Variants in NSUN3 observed in about 807,000 individuals in gnomAD.
NSUN3 encodes the protein tRNA (cytosine(34)-C(5))-methyltransferase, mitochondrial.
Under a neutral mutation model 36.8 loss-of-function variants are expected in NSUN3, and 24 were observed. That is an observed-to-expected ratio of 0.65 (90% CI 0.47 to 0.92). The LOEUF (loss-of-function observed/expected upper bound fraction) is 0.92. Among genes scored for constraint, NSUN3 ranks in the 40% least tolerant of loss-of-function variants. The probability of loss-of-function intolerance (pLI) is 0.00; values close to 1 mark genes in which losing one functional copy is unlikely to be tolerated. For missense variants in NSUN3, 381 were observed against 392.8 expected (o/e 0.97, Z 0.25); for synonymous variants, 146 against 145.2 (o/e 1.01, Z -0.04).
At chr3:94,112,837 G>A (rs2077423416) in intron 5 of NSUN3, among the ~76,000 whole-genome samples, 1 of 152,140 alleles carries the variant, frequency 6.6e-6, no homozygotes, top group Admixed American at 6.5e-5. Flanking sequence ...CCTTGATCAG[G>A]TAATGCTGGA....
Position 94,064,483 on chromosome 3 carries a change from T to C in NSUN3, c.59T>C (p.Val20Ala). 1 of 1,613,974 alleles carries C rather than the reference T, an allele frequency of 6.2e-7. No individual in the cohort carries two copies. The highest frequency in any genetic ancestry group is 1.1e-5 in the South Asian group (1 of 91,074). The change falls in exon 2 of 6, where the codon GTT (valine) becomes GCT (alanine). Residue 20 changes from valine to alanine, a missense_variant. Coordinates refer to ENST00000314622, the MANE Select transcript of NSUN3 (RefSeq NM_022072.5). Reference sequence around the variant, plus strand: ...AAGCTTGCAAAACAGATTTGCAAAGTTGTGTTGGATCATTTTGAAAAACAG... The same window carrying C: ...AAGCTTGCAAAACAGATTTGCAAAGCTGTGTTGGATCATTTTGAAAAACAG... ...EGKLAKQICK[V>A]VLDHFEKQYS...
intron 5 of NSUN3, among the ~76,000 whole-genome samples, chr3:94,100,088 A>C (rs2077358890): frequency 6.6e-6 from 1 of 152,240 alleles, no homozygotes; most frequent in South Asian, 2.1e-4. Flanking sequence ...AGCAATTGGA[A>C]TGCAGATAAA....
chr3:94,111,116 C>G (rs1057247777), intron 5 of NSUN3, among the ~76,000 whole-genome samples: 21 of 152,164 alleles, frequency 1.4e-4, no homozygotes, highest in African/African-American at 5.1e-4. Context: ...CAACAAGTTA[C>G]TGTACTGAAT....
intron 2 of NSUN3, among the ~76,000 whole-genome samples, chr3:94,068,108 T>A (rs1451397837): frequency 6.6e-6 from 1 of 152,012 alleles, no homozygotes; most frequent in East Asian, 1.9e-4. Flanking sequence ...CCTAGGTGAG[T>A]TAATATCTCT....
chr3:94,098,791 G>A (rs770138673), intron 5 of NSUN3, among the ~76,000 whole-genome samples: 1 of 152,106 alleles, frequency 6.6e-6, no homozygotes, highest in Non-Finnish European at 1.5e-5. Context: ...GATTCTTCGG[G>A]AATCAGCTCT....
chr3:94,094,540 C>T (rs1467556648), intron 4 of NSUN3, among the ~76,000 whole-genome samples: 1 of 152,166 alleles, frequency 6.6e-6, no homozygotes, highest in Non-Finnish European at 1.5e-5. Flanking sequence ...CTCAAAGATA[C>T]TCAGGAAAAG....
At chr3:94,113,160 G>A (rs924828722) in intron 5 of NSUN3, among the ~76,000 whole-genome samples, 1 of 152,048 alleles carries the variant, frequency 6.6e-6, no homozygotes, top group East Asian at 1.9e-4. Context: ...CACCGCACCC[G>A]GCCCAAGAAT....
intron 5 of NSUN3, among the ~76,000 whole-genome samples, chr3:94,101,252 C>G (rs1371094258): frequency 6.6e-6 from 1 of 152,078 alleles, no homozygotes. Context: ...TTTGGCCTCC[C>G]AAGTGCTGAG....
chr3:94,122,622 A>G (rs1175072485), intron 5 of NSUN3, among the ~76,000 whole-genome samples: 1 of 152,120 alleles, frequency 6.6e-6, no homozygotes, highest in Non-Finnish European at 1.5e-5. Context: ...AGTGGGGGAA[A>G]GTTCTCTTAA....
At chr3:94,109,784 A>G (rs758389864) in intron 5 of NSUN3, among the ~76,000 whole-genome samples, 9 of 152,308 alleles carry the variant, frequency 5.9e-5, no homozygotes, top group Admixed American at 2.0e-4. Context: ...GATGTGTAAC[A>G]ATATATGTGT....
intron 5 of NSUN3, among the ~76,000 whole-genome samples, chr3:94,117,897 C>T (rs994116884): frequency 2.0e-5 from 3 of 151,986 alleles, no homozygotes; most frequent in East Asian, 1.9e-4. Flanking sequence ...ATGTGTGTTT[C>T]GGAGAAATGA....
chr3:94,071,130 C>G (rs1193380268), intron 2 of NSUN3, among the ~76,000 whole-genome samples: 1 of 152,070 alleles, frequency 6.6e-6, no homozygotes, highest in African/African-American at 2.4e-5. Flanking sequence ...TATATGGAAA[C>G]AAAAGCTCAT....
chr3:94,067,225 T>C (rs901866436), intron 2 of NSUN3, among the ~76,000 whole-genome samples: 4 of 152,210 alleles, frequency 2.6e-5, no homozygotes, highest in African/African-American at 9.6e-5. Context: ...TGTCATACAT[T>C]ACTGCCAGCA....
intron 2 of NSUN3, chr3:94,077,181 C>T (rs1409308323): frequency 1.4e-6 from 1 of 697,916 alleles, no homozygotes; most frequent in Non-Finnish European, 2.7e-6. Flanking sequence ...TCATGGAGGC[C>T]AGGCGAGCCA....
intron 3 of NSUN3, 96 bp from the exon 4 acceptor site, chr3:94,094,041 TATG>T (rs2077327250): frequency 1.2e-6 from 1 of 836,356 alleles, no homozygotes; most frequent in South Asian, 1.9e-5. Context: ...TCTGCATAAT[TATG>T]ATGAGTTAAT....
intron 2 of NSUN3, among the ~76,000 whole-genome samples, chr3:94,079,435 G>C (rs930489262): frequency 6.6e-6 from 1 of 152,096 alleles, no homozygotes; most frequent in Non-Finnish European, 1.5e-5. Context: ...GAGTATCTTT[G>C]TGGTGGTCTC....
At chr3:94,076,031 T>C in intron 2 of NSUN3, 1 of 1,609,076 alleles carries the variant, frequency 6.2e-7, no homozygotes, top group Non-Finnish European at 8.5e-7. Flanking sequence ...CCAAGGTTCA[T>C]TGGGATTCCA....
chr3:94,117,057 G>A (rs555547647), intron 5 of NSUN3, among the ~76,000 whole-genome samples: 243 of 145,058 alleles, frequency 1.7e-3, no homozygotes, highest in Non-Finnish European at 3.1e-3. Context: ...GGAGTGCAGT[G>A]GTATGATCTC....
intron 2 of NSUN3, among the ~76,000 whole-genome samples, chr3:94,072,460 C>T (rs1326441283): frequency 2.0e-5 from 3 of 152,200 alleles, no homozygotes; most frequent in African/African-American, 7.2e-5. Flanking sequence ...TGTACACATC[C>T]AGTCAGTAAC....
Sources: allele counts gnomAD v4.1 joint callset (sites outside exome capture counted in the v4.1 genomes callset), GRCh38; gene constraint gnomAD v4.1.1; transcripts MANE v1.5; gene names NCBI Gene and HGNC (gene_info 2026-07-23, HGNC 2026-07-21).